The following MZT2A variants were observed in gnomAD, a reference collection of about 807,000 sequenced individuals.
MZT2A encodes mitotic-spindle organizing protein 2A.
A neutral mutation model predicts 12.4 loss-of-function variants in MZT2A; 8 were observed. That is an observed-to-expected ratio of 0.64 (90% CI 0.38 to 1.16). MZT2A has a LOEUF of 1.16. MZT2A is among the 50% of genes most tolerant of loss of function. The pLI is 0.01. For missense variants in MZT2A, 181 were observed against 223.6 expected (o/e 0.81, Z 1.22); for synonymous variants, 88 against 107.5 (o/e 0.82, Z 1.12).
At chr2:131,492,432 C>T, upstream of MZT2A, 10 of 1,201,638 alleles carry the variant, frequency 8.3e-6, no homozygotes, top group Admixed American at 9.1e-5. Context: ...AGCGGATGCG[C>T]CCACCGCCCT....
At chr2:131,492,958 C>T (rs1261502299), upstream of MZT2A, 2 of 1,514,312 alleles carry the variant, frequency 1.3e-6, no homozygotes, top group East Asian at 5.1e-5. Flanking sequence ...CCTCCCTGGC[C>T]GGCCGGCCGG....
chr2:131,488,168 C>T (rs112318439), intron 2 of MZT2A, among the ~76,000 whole-genome samples: 54 of 152,304 alleles, frequency 3.5e-4, no homozygotes, highest in African/African-American at 1.2e-3. Flanking sequence ...GTGAGACTCA[C>T]GGCTTCCACA....
At chr2:131,482,784 A>T (rs1678905613), downstream of MZT2A, 1 of 1,613,608 alleles carries the variant, frequency 6.2e-7, no homozygotes, top group African/African-American at 1.3e-5. Flanking sequence ...GCTCTAGAGA[A>T]GGATTATGAA....
intron 3 of MZT2A, among the ~76,000 whole-genome samples, chr2:131,470,509 C>G (rs572064178): frequency 6.6e-6 from 1 of 151,904 alleles, no homozygotes; most frequent in Non-Finnish European, 1.5e-5. Context: ...CTGTGCTCAC[C>G]TCACCCCAGC....
intron 2 of MZT2A, 137 bp downstream of exon 2, chr2:131,491,739 G>A (rs1679317842): frequency 5.9e-6 from 7 of 1,187,016 alleles, no homozygotes; most frequent in Non-Finnish European, 8.0e-6. Flanking sequence ...CCACGGATGG[G>A]CCCTGCAGGT....
chr2:131,469,808 C>CGCCTTTTT (rs1390873773), intron 4 of MZT2A: 4 of 131,490 alleles, frequency 3.0e-5, no homozygotes, highest in African/African-American at 1.2e-4. Context: ...TCCTCCCCCC[C>CGCCTTTTT]TTTTTTTTTT....
chr2:131,490,060 C>T, intron 2 of MZT2A: 1 of 871,364 alleles, frequency 1.1e-6, no homozygotes. Context: ...TCCTTCAGGC[C>T]CTCTCCACCC....
chr2:131,476,008 A>C (rs1256332871), intron 2 of MZT2A: 1 of 1,038,040 alleles, frequency 9.6e-7, no homozygotes, highest in Non-Finnish European at 1.4e-6. Flanking sequence ...ACACATGTTG[A>C]GCAATGGCCA....
At chr2:131,492,470 C>A, upstream of MZT2A, 1 of 1,158,552 alleles carries the variant, frequency 8.6e-7, no homozygotes, top group Non-Finnish European at 1.1e-6. Context: ...GTCTGGCCTC[C>A]CGGGCTGCCC....
chr2:131,477,013 C>G (rs1201737850), intron 2 of MZT2A, among the ~76,000 whole-genome samples: 1 of 141,320 alleles, frequency 7.1e-6, no homozygotes, highest in Non-Finnish European at 1.5e-5. Flanking sequence ...TGTCAGTTAT[C>G]CTTTTTTTCC....
chr2:131,476,116 A>T (rs1399496450), intron 2 of MZT2A: 1 of 1,608,590 alleles, frequency 6.2e-7, no homozygotes, highest in Admixed American at 1.7e-5. Context: ...GCGCACAGGC[A>T]GGAGGTTGCA....
rs199630164 is a variant in MZT2A, at chr2:131,471,452, A to AAAAAAG, written c.393+610_393+615dup. On this transcript the variant is annotated intron_variant and NMD_transcript_variant, in intron 3 of 4. Coordinates refer to the MZT2A transcript ENST00000427024. ...GAGAGAGACTCTGTCTCAAAAAAAA[A>AAAAAAG]AAAAAGAAAAAAAGAAAAGAAAAAA... 4.7e-4 allele frequency among the ~76,000 whole-genome samples: 62 copies of AAAAAAG among 132,556 alleles called. 1 individual carries two copies. Among genetic ancestry groups the AAAAAAG allele is most frequent in the African/African-American group, 2.5e-3 (59 of 23,816 alleles). The allele number at this position is 132,556 out of a possible 152,430, so 87.0% of individuals were successfully genotyped here.
At chr2:131,492,119 G>C in intron 1 of MZT2A, 88 bp downstream of exon 1, 2 of 1,549,644 alleles carry the variant, frequency 1.3e-6, no homozygotes, top group Non-Finnish European at 1.7e-6. Flanking sequence ...GGCAGCGGGG[G>C]CTCCTCCCGA....
chr2:131,492,986 A>C (rs1679412547), upstream of MZT2A: 8 of 1,519,756 alleles, frequency 5.3e-6, no homozygotes, highest in Non-Finnish European at 7.1e-6. Context: ...CGCTTTGCGC[A>C]CGTACCTTTT....
At chr2:131,479,155 A>G (rs1301742614), downstream of MZT2A, among the ~76,000 whole-genome samples, 1 of 152,200 alleles carries the variant, frequency 6.6e-6, no homozygotes, top group African/African-American at 2.4e-5. Flanking sequence ...ACACAGAGAC[A>G]TTTTCTACCA....
intron 2 of MZT2A, among the ~76,000 whole-genome samples, chr2:131,488,310 A>G (rs1424898817): frequency 6.6e-6 from 1 of 151,976 alleles, no homozygotes; most frequent in Non-Finnish European, 1.5e-5. Flanking sequence ...ACAAGCATCG[A>G]CCCTCTGTGC....
At chr2:131,480,434 C>T (rs1373798731), downstream of MZT2A, 2 of 1,588,856 alleles carry the variant, frequency 1.3e-6, no homozygotes, top group African/African-American at 3.3e-5. Flanking sequence ...TTGATGGGGC[C>T]CTGAATGTGG....
intron 2 of MZT2A, chr2:131,490,392 C>T: frequency 8.5e-7 from 1 of 1,179,750 alleles, no homozygotes; most frequent in South Asian, 1.8e-5. Flanking sequence ...GGGCTGTGCT[C>T]TCCAGCAGAG....
downstream of MZT2A, chr2:131,482,785 G>A: frequency 6.2e-7 from 1 of 1,614,234 alleles, no homozygotes; most frequent in South Asian, 1.1e-5. Context: ...CTCTAGAGAA[G>A]GATTATGAAG....
Sources: allele counts gnomAD v4.1 joint callset (sites outside exome capture counted in the v4.1 genomes callset), GRCh38; gene constraint gnomAD v4.1.1; transcripts MANE v1.5; gene names NCBI Gene and HGNC (gene_info 2026-07-23, HGNC 2026-07-21).